The following ACADM variants were observed in gnomAD, a reference collection of about 807,000 sequenced individuals.
ACADM encodes the protein acyl-CoA dehydrogenase medium chain.
ACADM carries 49 observed loss-of-function variants against 58.9 expected under a neutral mutation model. The ratio of observed to expected loss-of-function variants is 0.83; its 90% CI spans 0.66 to 1.06. ACADM has a LOEUF of 1.06. ACADM is among the 50% of genes least tolerant of loss of function. ACADM has a pLI of 0.00. For synonymous variants in ACADM, 160 were observed against 157.7 expected (o/e 1.01, Z -0.11); for missense variants, 496 against 507.0 (o/e 0.98, Z 0.21).
intron 7 of ACADM, 41 bp downstream of exon 7, chr1:75,740,151 G>A (rs747600540): frequency 7.7e-6 from 12 of 1,558,064 alleles, no homozygotes; most frequent in Non-Finnish European, 1.1e-5. Flanking sequence ...TTTCTTAATT[G>A]TTTTATCTTC....
At chr1:75,726,627 T>A (rs1158654717) in intron 1 of ACADM, among the ~76,000 whole-genome samples, 1 of 152,094 alleles carries the variant, frequency 6.6e-6, no homozygotes, top group African/African-American at 2.4e-5. Flanking sequence ...CTTTGCCTAA[T>A]TTAGTTGACT....
intron 10 of ACADM, among the ~76,000 whole-genome samples, chr1:75,752,370 G>A (rs1648256087): frequency 6.6e-6 from 1 of 152,178 alleles, no homozygotes; most frequent in African/African-American, 2.4e-5. Flanking sequence ...TCACAACAAT[G>A]TTAAATTGCT....
chr1:75,758,015 A>C (rs1311613894), intron 10 of ACADM, among the ~76,000 whole-genome samples: 1 of 152,118 alleles, frequency 6.6e-6, no homozygotes, highest in Non-Finnish European at 1.5e-5. Context: ...TCAGGGAAAC[A>C]CATTTACCAG....
At chr1:75,754,951 C>T (rs1648415204) in intron 10 of ACADM, 2 of 152,456 alleles carry the variant, frequency 1.3e-5, no homozygotes, top group Admixed American at 6.5e-5. Context: ...AACAACACAC[C>T]AGGAGATTAT....
chr1:75,733,277 T>C, intron 4 of ACADM: 1 of 1,371,406 alleles, frequency 7.3e-7, no homozygotes, highest in Non-Finnish European at 9.8e-7. Context: ...TTGAATTGAG[T>C]TTTAACAAAA....
At chr1:75,731,217 T>G (rs1435454812) in intron 2 of ACADM, among the ~76,000 whole-genome samples, 1 of 144,094 alleles carries the variant, frequency 6.9e-6, no homozygotes, top group African/African-American at 2.6e-5. Flanking sequence ...AGGCGGAGCT[T>G]GCAGTGAGCC....
At chr1:75,736,647 C>T (rs1647276848) in intron 6 of ACADM, among the ~76,000 whole-genome samples, 2 of 152,140 alleles carry the variant, frequency 1.3e-5, no homozygotes, top group Admixed American at 6.5e-5. Flanking sequence ...ACAGTTAGCC[C>T]TTTGTATCTG....
chr1:75,728,327 A>G (rs1296652829), intron 1 of ACADM, 74 bp from the exon 2 acceptor site: 1 of 1,253,074 alleles, frequency 8.0e-7, no homozygotes, highest in Non-Finnish European at 1.1e-6. Flanking sequence ...GTACTCACTT[A>G]TGATTATCAG....
In ACADM at chr1:75,760,156, C is replaced by A. The variant is rs939850070; in HGVS notation, c.946-966C>A. Among the ~76,000 whole-genome samples, 3 of 150,146 alleles carry A rather than the reference C, an allele frequency of 2.0e-5. No homozygotes were observed. The Admixed American group carries it at 2.0e-4, about 10-fold the overall frequency. On this transcript the variant is annotated intron_variant, in intron 10 of 11. Transcript: ENST00000370841. Reference sequence around the variant, plus strand: ...AAAAAAGAGGCCGAGTGCGGTGGCTCACACCTGTAATCCTAGCACTTTGGG... The same window carrying A: ...AAAAAAGAGGCCGAGTGCGGTGGCTAACACCTGTAATCCTAGCACTTTGGG...
intron 10 of ACADM, among the ~76,000 whole-genome samples, chr1:75,755,460 A>T (rs1246055491): frequency 6.6e-6 from 1 of 152,224 alleles, no homozygotes; most frequent in Non-Finnish European, 1.5e-5. Flanking sequence ...CAATATTTGC[A>T]GTTCTGCAGC....
intron 6 of ACADM, 85 bp from the exon 7 acceptor site, chr1:75,739,894 TA>T: frequency 2.0e-6 from 2 of 997,968 alleles, no homozygotes; most frequent in Non-Finnish European, 2.8e-6. Flanking sequence ...AAATACAGCT[TA>T]AAAAATAAAA....
chr1:75,745,957 A>G, intron 8 of ACADM, 43 bp downstream of exon 8: 1 of 1,409,846 alleles, frequency 7.1e-7, no homozygotes, highest in Non-Finnish European at 1.0e-6. Context: ...TATTATTTTA[A>G]TTATAAATTG....
intron 10 of ACADM, among the ~76,000 whole-genome samples, chr1:75,752,126 G>A (rs935899840): frequency 2.0e-5 from 3 of 151,562 alleles, no homozygotes; most frequent in Non-Finnish European, 4.4e-5. Context: ...GGAACTATAG[G>A]GGCACACTAC....
intron 5 of ACADM, among the ~76,000 whole-genome samples, chr1:75,734,054 T>C (rs2100367443): frequency 6.6e-6 from 1 of 152,122 alleles, no homozygotes; most frequent in South Asian, 2.1e-4. Context: ...AGCGCGATCT[T>C]GGCTCACTGC....
intron 6 of ACADM, among the ~76,000 whole-genome samples, chr1:75,738,791 C>T (rs747847764): frequency 6.6e-6 from 1 of 151,428 alleles, no homozygotes; most frequent in Non-Finnish European, 1.5e-5. Context: ...GGGCAAGTAA[C>T]TTGTTTCTTT....
rs786204642 is a variant in ACADM at position 75,734,848 on chromosome 1, ATGAC to A, written c.449_452del (p.Thr150ArgfsTer4). 2.1e-5 allele frequency: 34 copies of A among 1,613,722 alleles called. No individual in the cohort carries two copies. In the East Asian group the frequency reaches 5.6e-4, roughly 26 times the overall value. On this transcript the variant is annotated frameshift_variant, in exon 6 of 12. Coordinates refer to ENST00000370841, the MANE Select transcript of ACADM (RefSeq NM_000016.6). LOFTEE classifies it high-confidence loss of function. ...ACAAAAGAAGAAGTATTTGGGGAGA[ATGAC>A]TGAGGAGCCATTGATGTGTGTGAGT...
intron 2 of ACADM, among the ~76,000 whole-genome samples, chr1:75,729,677 A>G (rs114628219): frequency 0.02 from 2,990 of 150,312 alleles, 113 homozygotes; most frequent in African/African-American, 0.068. Flanking sequence ...TATTTTTAGT[A>G]GGGATGGGGT....
chr1:75,732,555 C>T, intron 2 of ACADM, 89 bp from the exon 3 acceptor site: 1 of 1,068,732 alleles, frequency 9.4e-7, no homozygotes, highest in Non-Finnish European at 1.5e-6. Context: ...TTTAAGTCCC[C>T]ACAATAAATA....
chr1:75,745,546 C>T (rs1647848644), intron 7 of ACADM: 6 of 476,424 alleles, frequency 1.3e-5, no homozygotes, highest in Middle Eastern at 6.2e-4. Flanking sequence ...TACTGTACTG[C>T]GGGTAACTGA....
Sources: gnomAD v4.1 joint callset for allele counts (sites outside exome capture counted in the v4.1 genomes callset) on GRCh38, gnomAD v4.1.1 for gene constraint, MANE v1.5 for transcripts, NCBI Gene and HGNC (gene_info 2026-07-23, HGNC 2026-07-21) for gene names.